Variants in ATP9A observed in about 807,000 individuals in gnomAD.
ATP9A encodes the protein probable phospholipid-transporting ATPase IIA.
In ATP9A, 52 loss-of-function variants were observed where a neutral mutation model predicts 144.1. That is an observed-to-expected ratio of 0.36 (90% CI 0.29 to 0.45). The LOEUF (loss-of-function observed/expected upper bound fraction) is 0.45. ATP9A is among the 20% of genes least tolerant of loss of function. The pLI is 1.00. For synonymous variants in ATP9A, 582 were observed against 557.4 expected (o/e 1.04, Z -0.62); for missense variants, 947 against 1,392.7 (o/e 0.68, Z 5.09).
At chr20:51,612,818 T>C (rs951237362) in intron 23 of ATP9A, among the ~76,000 whole-genome samples, 1 of 152,170 alleles carries the variant, frequency 6.6e-6, no homozygotes, top group Non-Finnish European at 1.5e-5. Flanking sequence ...GGGAACAAGA[T>C]GTTAACTTCC....
chr20:51,621,777 C>T (rs1014115623), intron 19 of ATP9A, among the ~76,000 whole-genome samples: 4 of 152,052 alleles, frequency 2.6e-5, no homozygotes, highest in African/African-American at 7.2e-5. Flanking sequence ...CTGCATCTTT[C>T]GGGGGGAGTG....
intron 4 of ATP9A, among the ~76,000 whole-genome samples, chr20:51,701,376 C>T (rs1384503116): frequency 1.3e-5 from 2 of 152,054 alleles, no homozygotes; most frequent in African/African-American, 2.4e-5. Context: ...TTCCATTAAG[C>T]GTAAGGTTGC....
chr20:51,719,731 CA>C (rs11483274), intron 3 of ATP9A, among the ~76,000 whole-genome samples: 4 of 55,312 alleles, frequency 7.2e-5, no homozygotes, highest in Non-Finnish European at 1.1e-4. Context: ...GACTCTGTCT[CA>C]AAAAAAAAAA....
chr20:51,767,721 G>T (rs1454717925), intron 1 of ATP9A, among the ~76,000 whole-genome samples: 4 of 152,132 alleles, frequency 2.6e-5, no homozygotes, highest in East Asian at 1.9e-4. Flanking sequence ...CCACCCTCCT[G>T]CGACTGCTGG....
chr20:51,608,744 A>C (rs2077173591), intron 24 of ATP9A, 118 bp from the exon 25 acceptor site: 3 of 696,412 alleles, frequency 4.3e-6, no homozygotes, highest in Non-Finnish European at 7.8e-6. Context: ...CTGCTTGTCT[A>C]TTATGCTCCG....
intron 14 of ATP9A, among the ~76,000 whole-genome samples, chr20:51,643,173 A>G (rs1031080636): frequency 1.3e-5 from 2 of 152,202 alleles, no homozygotes; most frequent in Non-Finnish European, 2.9e-5. Flanking sequence ...TTCAAGTCAT[A>G]ATGAGTCAGC....
intron 9 of ATP9A, among the ~76,000 whole-genome samples, chr20:51,685,034 A>T (rs1432265408): frequency 6.6e-6 from 1 of 151,796 alleles, no homozygotes; most frequent in African/African-American, 2.4e-5. Context: ...AAAAAAAAAA[A>T]AAAAAATACA....
Position 51,628,880 on chromosome 20 carries a change from G to A in ATP9A, c.1761+100C>T, listed in dbSNP as rs1400025954. On this transcript the variant is annotated intron_variant, in intron 16 of 27. Transcript: ENST00000338821. ...GCATTTCAGGGTGGTTTGTTACACAGCCACCGATAACAAATACAGAGACCC... is the reference window on the plus strand; with the variant it reads ...GCATTTCAGGGTGGTTTGTTACACAACCACCGATAACAAATACAGAGACCC... The A allele has an allele frequency of 4.2e-6, 4 of 961,744 alleles. No homozygotes were observed. In the East Asian group the frequency reaches 9.7e-5, roughly 23 times the overall value. 59.6% of individuals were successfully genotyped at this position (961,744 alleles called of 1,614,324 possible).
At chr20:51,751,462 A>T (rs920400425) in intron 1 of ATP9A, among the ~76,000 whole-genome samples, 1 of 151,626 alleles carries the variant, frequency 6.6e-6, no homozygotes, top group Non-Finnish European at 1.5e-5. Context: ...GAGTCTCCCT[A>T]TGTTGCCCAG....
At chr20:51,739,882 T>C (rs112967544) in intron 1 of ATP9A, among the ~76,000 whole-genome samples, 87 of 152,250 alleles carry the variant, frequency 5.7e-4, no homozygotes, top group African/African-American at 1.9e-3. Flanking sequence ...CCTGTTCCCA[T>C]TGAGGGACTA....
chr20:51,717,142 A>G (rs1255584658), intron 3 of ATP9A, among the ~76,000 whole-genome samples: 1 of 146,918 alleles, frequency 6.8e-6, no homozygotes, highest in Admixed American at 6.9e-5. Context: ...ACTGCACTCC[A>G]GCCTGGGTGA....
chr20:51,722,373 G>A (rs190619433), intron 3 of ATP9A, among the ~76,000 whole-genome samples: 168 of 152,270 alleles, frequency 1.1e-3, no homozygotes, highest in African/African-American at 3.9e-3. Context: ...GCTTTTACAC[G>A]GCAAGAGGAA....
At chr20:51,748,907 TTAGATAGATAGATAGATAGATAGA>T (rs34474584) in intron 1 of ATP9A, among the ~76,000 whole-genome samples, 1 of 143,156 alleles carries the variant, frequency 7.0e-6, no homozygotes, top group Non-Finnish European at 1.5e-5. Context: ...CCTCTAAAGA[TTAGATAGATAGATAGATAGATAGA>T]TAGATAGATA....
chr20:51,703,944 A>G (rs1353568932), intron 4 of ATP9A, among the ~76,000 whole-genome samples: 1 of 152,070 alleles, frequency 6.6e-6, no homozygotes, highest in African/African-American at 2.4e-5. Flanking sequence ...TAACTGTGAC[A>G]GTGATGAGTT....
chr20:51,608,754 G>A (rs1318788160), intron 24 of ATP9A, 128 bp from the exon 25 acceptor site: 10 of 656,214 alleles, frequency 1.5e-5, no homozygotes, highest in South Asian at 5.5e-5. Flanking sequence ...ATTATGCTCC[G>A]GGGCTGGCTG....
chr20:51,607,656 G>A (rs900388206), intron 25 of ATP9A, 72 bp from the exon 26 acceptor site: 14 of 1,246,962 alleles, frequency 1.1e-5, no homozygotes, highest in African/African-American at 5.9e-5. Flanking sequence ...CAGCTTTCAC[G>A]TTATTCTCCC....
intron 21 of ATP9A, 127 bp from the exon 22 acceptor site, chr20:51,617,681 T>C: frequency 9.9e-7 from 1 of 1,008,586 alleles, no homozygotes; most frequent in Non-Finnish European, 1.5e-6. Flanking sequence ...GCCCCGTCCA[T>C]TCCATCTCTC....
At chr20:51,731,034 G>A (rs149327055) in intron 1 of ATP9A, among the ~76,000 whole-genome samples, 209 of 152,076 alleles carry the variant, frequency 1.4e-3, no homozygotes, top group African/African-American at 4.6e-3. Context: ...AGCCAGGCAC[G>A]GTGGCTCATG....
At chr20:51,609,100 T>C (rs1239767575) in intron 24 of ATP9A, among the ~76,000 whole-genome samples, 1 of 151,376 alleles carries the variant, frequency 6.6e-6, no homozygotes, top group Non-Finnish European at 1.5e-5. Flanking sequence ...GAGGCGGGAG[T>C]GGCTGTCATG....
Sources: gnomAD v4.1 joint callset for allele counts (sites outside exome capture counted in the v4.1 genomes callset) on GRCh38, gnomAD v4.1.1 for gene constraint, MANE v1.5 for transcripts, NCBI Gene and HGNC (gene_info 2026-07-23, HGNC 2026-07-21) for gene names.